The following DNM3 variants were observed in gnomAD, a reference collection of about 807,000 sequenced individuals.
DNM3 encodes dynamin-3.
A neutral mutation model predicts 101.6 loss-of-function variants in DNM3; 47 were observed. The observed-to-expected ratio is 0.46, with a 90% CI of 0.37 to 0.59. The LOEUF (loss-of-function observed/expected upper bound fraction) is 0.59. Ranked by LOEUF, DNM3 falls within the 20% of genes least tolerant of loss-of-function variation. The probability of loss-of-function intolerance (pLI) is 0.00; values close to 1 mark genes in which losing one functional copy is unlikely to be tolerated. For missense variants in DNM3, 849 were observed against 1,085.7 expected (o/e 0.78, Z 3.06); for synonymous variants, 385 against 387.9 (o/e 0.99, Z 0.09).
chr1:171,949,169 G>A lies in DNM3; in HGVS notation c.235+27348G>A, dbSNP rs2042348081. 2.0e-5 allele frequency among the ~76,000 whole-genome samples: 3 copies of A among 152,018 alleles called. No individual in the cohort carries two copies. The South Asian group carries it at 6.3e-4, about 32-fold the overall frequency. On this transcript the variant is annotated intron_variant, in intron 2 of 20. Coordinates refer to ENST00000627582, the MANE Select transcript of DNM3 (RefSeq NM_015569.5). Reference sequence around the variant, plus strand: ...TATAAGTAAAATATTACTAATTTTTGTACCATTAACAAAAACATATTACTC... The same window carrying A: ...TATAAGTAAAATATTACTAATTTTTATACCATTAACAAAAACATATTACTC...
At chr1:172,046,758 T>C (rs2049844834) in intron 9 of DNM3, among the ~76,000 whole-genome samples, 1 of 152,170 alleles carries the variant, frequency 6.6e-6, no homozygotes, top group Non-Finnish European at 1.5e-5. Flanking sequence ...AGAATACATT[T>C]GGTGTAGAAA....
chr1:172,146,863 A>G (rs1456591922), intron 14 of DNM3, among the ~76,000 whole-genome samples: 5 of 152,248 alleles, frequency 3.3e-5, no homozygotes, highest in South Asian at 4.1e-4. Context: ...ATCAGACTGC[A>G]CCATGATTTC....
At chr1:172,035,785 C>T (rs1417856708) in intron 6 of DNM3, among the ~76,000 whole-genome samples, 1 of 152,054 alleles carries the variant, frequency 6.6e-6, no homozygotes, top group East Asian at 1.9e-4. Context: ...CTTTTGTTGC[C>T]TGCTTCATAG....
intron 12 of DNM3, among the ~76,000 whole-genome samples, chr1:172,090,614 G>A (rs1274137892): frequency 4.6e-5 from 7 of 152,236 alleles, no homozygotes; most frequent in African/African-American, 1.7e-4. Flanking sequence ...ATTTTAAATT[G>A]GAAAAAAATA....
intron 1 of DNM3, among the ~76,000 whole-genome samples, chr1:171,902,185 A>T (rs534682737): frequency 6.6e-6 from 1 of 152,362 alleles, no homozygotes; most frequent in Admixed American, 6.5e-5. Flanking sequence ...TTAATTCTAA[A>T]CTATAGTTTG....
At chr1:172,303,401 T>C (rs1013015743) in intron 15 of DNM3, among the ~76,000 whole-genome samples, 10 of 152,176 alleles carry the variant, frequency 6.6e-5, no homozygotes, top group African/African-American at 2.4e-4. Flanking sequence ...CAAATCTACA[T>C]TTGATTGGTG....
chr1:171,851,152 TG>T (rs978520858), intron 1 of DNM3, among the ~76,000 whole-genome samples: 3 of 152,158 alleles, frequency 2.0e-5, no homozygotes, highest in African/African-American at 7.2e-5. Context: ...GGCCCCTCCT[TG>T]GTGGCCCTTG....
At chr1:172,032,282 A>ACAG in intron 4 of DNM3, 120 bp from the exon 5 acceptor site, 1 of 759,478 alleles carries the variant, frequency 1.3e-6, no homozygotes, top group African/African-American at 1.7e-5. Flanking sequence ...ACAAAGTAAG[A>ACAG]CAGAAGGAAA....
At chr1:172,225,917 G>C (rs1323339680) in intron 14 of DNM3, among the ~76,000 whole-genome samples, 1 of 151,698 alleles carries the variant, frequency 6.6e-6, no homozygotes, top group Non-Finnish European at 1.5e-5. Context: ...TCTACAATTT[G>C]ATTCTTTCAG....
intron 20 of DNM3, chr1:172,397,176 C>T (rs1367817424): frequency 2.0e-5 from 3 of 152,546 alleles, no homozygotes; most frequent in Non-Finnish European, 2.9e-5. Flanking sequence ...CTTAAAACAA[C>T]GAGAATTGCT....
At chr1:171,880,485 C>T (rs909975165) in intron 1 of DNM3, among the ~76,000 whole-genome samples, 9 of 152,028 alleles carry the variant, frequency 5.9e-5, no homozygotes, top group Admixed American at 2.0e-4. Flanking sequence ...TTTGGCACAG[C>T]GATCATTAAT....
At chr1:172,053,641 A>G (rs1317563142) in intron 10 of DNM3, among the ~76,000 whole-genome samples, 2 of 152,190 alleles carry the variant, frequency 1.3e-5, no homozygotes, top group Admixed American at 6.5e-5. Context: ...AACAATTTAG[A>G]TGTTCTAAAG....
intron 17 of DNM3, chr1:172,339,082 T>TG: frequency 2.0e-6 from 1 of 488,392 alleles, no homozygotes; most frequent in Non-Finnish European, 4.1e-6. Context: ...GAAGAAAAGT[T>TG]GGGGGGAACA....
intron 15 of DNM3, among the ~76,000 whole-genome samples, chr1:172,299,119 C>G (rs2064312407): frequency 1.3e-5 from 2 of 152,124 alleles, no homozygotes; most frequent in Non-Finnish European, 2.9e-5. Context: ...GATGGAAAGA[C>G]AGCTGCAGGC....
intron 14 of DNM3, among the ~76,000 whole-genome samples, chr1:172,235,657 A>C (rs1031308384): frequency 6.6e-6 from 1 of 152,212 alleles, no homozygotes; most frequent in African/African-American, 2.4e-5. Context: ...ATGGAATACT[A>C]TGAACCCATA....
At chr1:172,044,488 G>A (rs770544360) in intron 9 of DNM3, 36 bp downstream of exon 9, 25 of 1,545,598 alleles carry the variant, frequency 1.6e-5, no homozygotes, top group Non-Finnish European at 2.2e-5. Flanking sequence ...ATCTGTTCAA[G>A]CTACCAAAAG....
Position 172,377,910 on chromosome 1 carries a change from C to G in DNM3, c.1894-1108C>G, listed in dbSNP as rs115174929. On this transcript the variant is annotated intron_variant, in intron 17 of 20. Coordinates refer to ENST00000627582, the MANE Select transcript of DNM3 (RefSeq NM_015569.5). ...CCCATCAATATGCTTTTCACACAAG[C>G]ATATTGATTCAAAGGAAAGGCTTAT... Among the ~76,000 whole-genome samples the G allele has an allele frequency of 1.4e-3, 219 of 151,984 alleles. 1 individual carries two copies. Among genetic ancestry groups the G allele is most frequent in the African/African-American group, 5.1e-3 (213 of 41,480 alleles).
At chr1:172,023,324 C>G (rs1281965482) in intron 4 of DNM3, among the ~76,000 whole-genome samples, 2 of 152,090 alleles carry the variant, frequency 1.3e-5, no homozygotes, top group Admixed American at 1.3e-4. Context: ...TTTTGTAGAA[C>G]ACGTTCTTTA....
intron 13 of DNM3, among the ~76,000 whole-genome samples, chr1:172,116,705 A>C (rs1194428081): frequency 6.6e-6 from 1 of 152,228 alleles, no homozygotes; most frequent in Non-Finnish European, 1.5e-5. Flanking sequence ...GTTGGTAAGC[A>C]AAGTTAAAAG....
Sources: gnomAD v4.1 joint callset for allele counts (sites outside exome capture counted in the v4.1 genomes callset) on GRCh38, gnomAD v4.1.1 for gene constraint, MANE v1.5 for transcripts, NCBI Gene and HGNC (gene_info 2026-07-23, HGNC 2026-07-21) for gene names.